OPCML: variants seen among roughly 807,000 people sequenced by gnomAD.
OPCML encodes the protein opioid-binding protein/cell adhesion molecule.
A neutral mutation model predicts 37.8 loss-of-function variants in OPCML; 13 were observed. The observed-to-expected ratio is 0.34, with a 90% confidence interval of 0.22 to 0.55. OPCML has a LOEUF of 0.55. Ranked by LOEUF, OPCML falls within the 20% of genes least tolerant of loss-of-function variation. The pLI is 0.91. For synonymous variants in OPCML, 176 were observed against 168.8 expected (o/e 1.04, Z -0.33); for missense variants, 341 against 435.6 (o/e 0.78, Z 1.93).
At chr11:133,035,100 C>G (rs1947754091) in intron 1 of OPCML, among the ~76,000 whole-genome samples, 1 of 152,090 alleles carries the variant, frequency 6.6e-6, no homozygotes, top group African/African-American at 2.4e-5. Context: ...AAGCATTATC[C>G]CTTCCTGATT....
chr11:133,472,815 T>C (rs528447494), intron 1 of OPCML, among the ~76,000 whole-genome samples: 7 of 152,090 alleles, frequency 4.6e-5, no homozygotes, highest in Non-Finnish European at 8.8e-5. Flanking sequence ...CCTGCAGCAA[T>C]TGGCAATCTC....
At chr11:132,998,832 CA>C (rs1420035814) in intron 1 of OPCML, among the ~76,000 whole-genome samples, 2 of 152,186 alleles carry the variant, frequency 1.3e-5, no homozygotes, top group African/African-American at 4.8e-5. Flanking sequence ...AGGCCCTTGC[CA>C]GATACCCAAT....
At chr11:133,397,876 G>T (rs1453046731) in intron 1 of OPCML, among the ~76,000 whole-genome samples, 1 of 152,282 alleles carries the variant, frequency 6.6e-6, no homozygotes, top group Admixed American at 6.5e-5. Flanking sequence ...CCTTTGAAAA[G>T]GTAGAGGCAT....
intron 1 of OPCML, among the ~76,000 whole-genome samples, chr11:133,219,445 A>G (rs2136358493): frequency 6.6e-6 from 1 of 152,334 alleles, no homozygotes; most frequent in Admixed American, 6.5e-5. Context: ...AGTTTTGCCT[A>G]ATCTAGTTAA....
intron 2 of OPCML, among the ~76,000 whole-genome samples, chr11:132,905,949 T>C (rs996931771): frequency 6.6e-6 from 1 of 152,244 alleles, no homozygotes; most frequent in Non-Finnish European, 1.5e-5. Flanking sequence ...TTAGCATTCA[T>C]AGTCTTCAAC....
intron 2 of OPCML, among the ~76,000 whole-genome samples, chr11:132,679,981 G>T (rs1320399653): frequency 6.6e-6 from 1 of 152,162 alleles, no homozygotes; most frequent in African/African-American, 2.4e-5. Context: ...CAAGAGTAGA[G>T]AAGGTTTTAT....
chr11:133,031,393 G>T (rs1181489190), intron 1 of OPCML, among the ~76,000 whole-genome samples: 3 of 132,574 alleles, frequency 2.3e-5, no homozygotes, highest in Non-Finnish European at 3.3e-5. Flanking sequence ...ATGGATGGTT[G>T]GTTGGATGGG....
chr11:133,469,481 C>G (rs1018369376), intron 1 of OPCML, among the ~76,000 whole-genome samples: 1 of 152,198 alleles, frequency 6.6e-6, no homozygotes, highest in Non-Finnish European at 1.5e-5. Flanking sequence ...TGCTGTCATA[C>G]AAAAGCTTCT....
intron 1 of OPCML, among the ~76,000 whole-genome samples, chr11:133,262,845 A>C (rs910720000): frequency 6.6e-6 from 1 of 151,208 alleles, no homozygotes; most frequent in Non-Finnish European, 1.5e-5. Context: ...CCCCTAGGAG[A>C]TTCCAGCAGC....
At chr11:132,525,926 G>A (rs560324157) in intron 4 of OPCML, 1 of 152,038 alleles carries the variant, frequency 6.6e-6, no homozygotes, top group Admixed American at 6.6e-5. Context: ...AGAGGGAAGG[G>A]GGAAGACAAT....
intron 1 of OPCML, chr11:133,423,249 C>T (rs767312120): frequency 1.3e-5 from 13 of 985,228 alleles, no homozygotes; most frequent in Non-Finnish European, 1.4e-5. Flanking sequence ...GTTTTTCTAC[C>T]TTATTCTTGT....
intron 4 of OPCML, among the ~76,000 whole-genome samples, chr11:132,443,579 G>A (rs925762679): frequency 6.6e-6 from 1 of 152,244 alleles, no homozygotes; most frequent in Non-Finnish European, 1.5e-5. Context: ...AACCATCTTA[G>A]AAACAAGCCT....
chr11:133,291,099 G>A lies in OPCML; in HGVS notation c.61+241165C>T, dbSNP rs147558015. 2.9e-3 allele frequency among the ~76,000 whole-genome samples: 434 copies of A among 152,244 alleles called. 2 individuals are homozygous for A. Among genetic ancestry groups the A allele is most frequent in the African/African-American group, 9.6e-3 (400 of 41,540 alleles). ...CTTGCATGTAACACCAACATTATTC[G>A]TGCCACGCACAGCTCAATGCCCAAG... On this transcript the variant is annotated intron_variant, in intron 1 of 7. Coordinates refer to ENST00000524381, the MANE Select transcript of OPCML (RefSeq NM_001012393.5).
intron 2 of OPCML, among the ~76,000 whole-genome samples, chr11:132,719,356 C>G (rs1210213726): frequency 6.6e-6 from 1 of 152,188 alleles, no homozygotes; most frequent in Non-Finnish European, 1.5e-5. Context: ...TAACACTCTC[C>G]TCTTCTGAGT....
rs577058175 is a variant in OPCML, at chr11:132,994,690, C to T, written c.62-51680G>A. On this transcript the variant is annotated intron_variant, in intron 1 of 7. Transcript: ENST00000524381. The stretch of plus-strand genomic sequence containing the variant: ...TTCAGTTCAGTTTAAATTAAATGTG[C>T]GGAGCTGCCTCCAAATGCCAGGCTC... 5.3e-5 allele frequency among the ~76,000 whole-genome samples: 8 copies of T among 152,264 alleles called. No individual in the cohort carries two copies. The South Asian group carries it at 1.0e-3, about 20-fold the overall frequency.
chr11:132,943,166 T>A lies in OPCML; in HGVS notation c.62-156A>T. 1 of 1,598,502 alleles carries A rather than the reference T, an allele frequency of 6.3e-7. No homozygotes were observed. Among genetic ancestry groups the A allele is most frequent in the Non-Finnish European group, 8.6e-7 (1 of 1,168,820 alleles). ...TCCCCCGCCCCGCGCACCAGCGGGCTCGGGAAGCGGTGCGGGGAGGAGGGA... is the reference window on the plus strand; with the variant it reads ...TCCCCCGCCCCGCGCACCAGCGGGCACGGGAAGCGGTGCGGGGAGGAGGGA... On this transcript the variant is annotated intron_variant, in intron 1 of 7. Coordinates refer to ENST00000524381, the MANE Select transcript of OPCML (RefSeq NM_001012393.5). The surrounding 1 kb of genome is among the most constrained non-coding windows in gnomAD (Gnocchi z 4.3).
At chr11:133,508,078 A>C (rs1053365235) in intron 1 of OPCML, among the ~76,000 whole-genome samples, 2 of 152,158 alleles carry the variant, frequency 1.3e-5, no homozygotes, top group African/African-American at 4.8e-5. Context: ...TCCTACCCGG[A>C]TCAACTACAT....
chr11:132,935,323 G>A (rs1327147369), intron 2 of OPCML, among the ~76,000 whole-genome samples: 2 of 152,106 alleles, frequency 1.3e-5, no homozygotes, highest in Non-Finnish European at 2.9e-5. Context: ...GAAAATTATC[G>A]TATTCTTTTT....
chr11:132,699,729 T>C lies in OPCML; in HGVS notation c.147-42410A>G, dbSNP rs544477028. 2.0e-5 allele frequency among the ~76,000 whole-genome samples: 3 copies of C among 152,230 alleles called. No individual in the cohort carries two copies. In the South Asian group the frequency reaches 6.2e-4, roughly 32 times the overall value. On this transcript the variant is annotated intron_variant, in intron 2 of 7. Transcript: ENST00000524381. ...GTTATGATGTGTGACTCTTTTAATG[T>C]GCTATAAATTCAGTTGGCTAATATT... is the stretch of plus-strand genomic sequence containing the variant.
Sources: allele counts gnomAD v4.1 joint callset (sites outside exome capture counted in the v4.1 genomes callset), GRCh38; gene constraint gnomAD v4.1.1; non-coding constraint Gnocchi (gnomAD v3.1); transcripts MANE v1.5; gene names NCBI Gene and HGNC (gene_info 2026-07-23, HGNC 2026-07-21).